Variants in CR2 observed in about 807,000 individuals in gnomAD.
CR2 encodes the protein complement receptor type 2.
CR2 carries 96 observed loss-of-function variants against 123.0 expected under a neutral mutation model. That is an observed-to-expected ratio of 0.78 (90% CI 0.66 to 0.93). CR2 has a LOEUF of 0.93. CR2 is among the 40% of genes least tolerant of loss of function. CR2 has a pLI of 0.00. For synonymous variants in CR2, 484 were observed against 469.5 expected (o/e 1.03, Z -0.40); for missense variants, 1,258 against 1,361.0 (o/e 0.92, Z 1.19).
At chr1:207,479,662 T>G (rs1331554107) in intron 17 of CR2, among the ~76,000 whole-genome samples, 1 of 152,234 alleles carries the variant, frequency 6.6e-6, no homozygotes, top group Non-Finnish European at 1.5e-5. Flanking sequence ...ATTTCTATTC[T>G]TGAGATTTCT....
In CR2 at chr1:207,454,388, C is replaced by T. The variant is rs972088653; in HGVS notation, c.-31C>T. On this transcript the variant is annotated 5_prime_UTR_variant, in exon 1 of 20. The change creates a new upstream start codon in the 5' untranslated region. Coordinates refer to ENST00000367057, the MANE Select transcript of CR2 (RefSeq NM_001006658.3). This position sits in a 1 kb window ranked among gnomAD's most constrained non-coding sequence, Gnocchi z 4.3. Reference sequence around the variant, plus strand: ...TGCCGGACGCTCGCGGGTCTCGGAACGCATCCCGCCGCGGGGGCTTCGGCC... The same window carrying T: ...TGCCGGACGCTCGCGGGTCTCGGAATGCATCCCGCCGCGGGGGCTTCGGCC... 1.3e-6 allele frequency: 2 copies of T among 1,557,466 alleles called. No individual in the cohort carries two copies. The highest frequency in any genetic ancestry group is 1.9e-5 in the Admixed American group (1 of 53,614).
intron 1 of CR2, among the ~76,000 whole-genome samples, chr1:207,463,740 G>A (rs1012906857): frequency 1.9e-4 from 29 of 152,210 alleles, no homozygotes; most frequent in Non-Finnish European, 1.2e-4. Flanking sequence ...TTTGTCTTTA[G>A]ATATCTACTC....
At chr1:207,468,397 T>C in intron 2 of CR2, 130 bp from the exon 3 acceptor site, 3 of 834,870 alleles carry the variant, frequency 3.6e-6, no homozygotes, top group South Asian at 2.9e-5. Flanking sequence ...GCGTATATTA[T>C]GTGTGGCCCA....
intron 1 of CR2, among the ~76,000 whole-genome samples, chr1:207,463,469 T>A (rs1314239659): frequency 2.6e-5 from 4 of 152,144 alleles, no homozygotes; most frequent in African/African-American, 9.7e-5. Context: ...GTTTTAAGTC[T>A]CCAGTGCTAC....
At chr1:207,477,700 T>C (rs1191474228) in intron 15 of CR2, among the ~76,000 whole-genome samples, 185 bp from the exon 16 acceptor site, 1 of 152,200 alleles carries the variant, frequency 6.6e-6, no homozygotes, top group East Asian at 1.9e-4. Flanking sequence ...CCAGAGGTTA[T>C]TGAGATAGAG....
In CR2 at chr1:207,472,853, C is replaced by T. The variant is rs778084554; in HGVS notation, c.1652C>T (p.Thr551Met). ...SSLEDFPYGTTVTYTCNPGPE... is the reference protein window; with the variant it reads ...SSLEDFPYGTMVTYTCNPGPE... ...TTAGAAGATTTTCCATATGGAACCA[C>T]GGTCACTTACACATGTAACCCTGGG... Residue 551 changes from threonine (T) to methionine (M), a missense_variant, in exon 10 of 20, where the codon ACG becomes ATG. Transcript: ENST00000367057. 34 of 1,613,868 alleles carry T rather than the reference C, an allele frequency of 2.1e-5. No individual in the cohort carries two copies. The highest frequency in any genetic ancestry group is 1.3e-4 in the Admixed American group (8 of 59,958).
At chr1:207,485,885 G>A (rs1014841199) in intron 19 of CR2, among the ~76,000 whole-genome samples, 4 of 152,040 alleles carry the variant, frequency 2.6e-5, no homozygotes, top group African/African-American at 4.8e-5. Context: ...CAGGGTGGTC[G>A]CAAGGGAAGC....
At chr1:207,459,321 GT>G (rs11398940) in intron 1 of CR2, among the ~76,000 whole-genome samples, 3,396 of 144,656 alleles carry the variant, frequency 0.023, 51 homozygotes, top group African/African-American at 0.051. Context: ...GTTTTTTGTT[GT>G]TTTTTTTTTT....
At position 207,469,786 on chromosome 1, in the gene CR2, C is replaced by A. The variant is rs148336036; in HGVS notation, c.909C>A (p.Tyr303Ter). 6 of 1,613,956 alleles carry A rather than the reference C, an allele frequency of 3.7e-6. No individual in the cohort carries two copies. Among genetic ancestry groups the A allele is most frequent in the Non-Finnish European group, 5.1e-6 (6 of 1,179,908 alleles). The change falls in exon 6 of 20, where the codon TAC becomes TAA. Residue 303 changes from tyrosine (Y) to a stop codon, truncating the protein, a stop_gained. Coordinates refer to ENST00000367057, the MANE Select transcript of CR2 (RefSeq NM_001006658.3). LOFTEE classifies it high-confidence loss of function. ...TCTCATATGGAAGCATAGTCACTTA[C>A]ACTTGTGACCCGGACCCAGAGGAAG... ...ANVSYGSIVTYTCDPDPEEGV... is the reference protein window; with the variant it reads ...ANVSYGSIVT
At chr1:207,456,317 A>G (rs1045851448) in intron 1 of CR2, among the ~76,000 whole-genome samples, 1 of 152,046 alleles carries the variant, frequency 6.6e-6, no homozygotes, top group Non-Finnish European at 1.5e-5. Flanking sequence ...TCCACACATC[A>G]TCTCTTGGCC....
At chr1:207,457,297 A>G (rs1286834730) in intron 1 of CR2, among the ~76,000 whole-genome samples, 8 of 152,196 alleles carry the variant, frequency 5.3e-5, no homozygotes, top group Non-Finnish European at 1.2e-4. Flanking sequence ...TGACAAATTC[A>G]GCTCCTTTTC....
intron 16 of CR2, 34 bp from the exon 17 acceptor site, chr1:207,479,223 G>C (rs376312360): frequency 2.6e-6 from 4 of 1,531,646 alleles, no homozygotes; most frequent in Middle Eastern, 3.4e-4. Flanking sequence ...ACACTATACT[G>C]ATAATCATTT....
chr1:207,475,229 G>A lies in CR2; in HGVS notation c.2716+13G>A. 1.2e-6 allele frequency: 2 copies of A among 1,613,776 alleles called. No homozygotes were observed. Among genetic ancestry groups the A allele is most frequent in the Non-Finnish European group, 1.7e-6 (2 of 1,179,818 alleles). On this transcript the variant is annotated intron_variant, in intron 14 of 19. Transcript: ENST00000367057. The stretch of plus-strand genomic sequence containing the variant: ...TGTATCAAAAAAGGTAAGATACTTG[G>A]AAGGGATAAGTTATGGGATGTTGTA...
intron 18 of CR2, 83 bp from the exon 19 acceptor site, chr1:207,485,381 G>A (rs1658720758): frequency 4.6e-6 from 4 of 860,792 alleles, no homozygotes; most frequent in Non-Finnish European, 7.9e-6. Flanking sequence ...CATGTGTTGG[G>A]AATTATGGAA....
chr1:207,480,038 C>T lies in CR2; in HGVS notation c.3173C>T (p.Ser1058Leu). 1 of 1,612,208 alleles carries T rather than the reference C, an allele frequency of 6.2e-7. No individual in the cohort carries two copies. The highest frequency in any genetic ancestry group is 8.5e-7 in the Non-Finnish European group (1 of 1,178,468). ...FLIVITLYVI[S>L]KHRARNYYTD... is the part of the protein sequence containing the mutation. The stretch of plus-strand genomic sequence containing the variant: ...ATTGTCATTACCTTATACGTGATAT[C>T]AAAACACAGAGCACGGTAAGTTCAA... Residue 1058 changes from serine to leucine, a missense_variant, in exon 18 of 20, where the codon TCA becomes TTA. Transcript: ENST00000367057.
intron 18 of CR2, among the ~76,000 whole-genome samples, chr1:207,481,735 A>C (rs1487206527): frequency 6.6e-6 from 1 of 152,088 alleles, no homozygotes; most frequent in African/African-American, 2.4e-5. Flanking sequence ...ATTACCTTAT[A>C]TAAGCTACAT....
At chr1:207,486,297 G>A (rs1285437090) in intron 19 of CR2, among the ~76,000 whole-genome samples, 1 of 139,008 alleles carries the variant, frequency 7.2e-6, no homozygotes, top group African/African-American at 2.7e-5. Flanking sequence ...ATTCCAGAAA[G>A]AACAGTAGGT....
intron 1 of CR2, 111 bp from the exon 2 acceptor site, chr1:207,466,415 T>C: frequency 8.0e-7 from 1 of 1,257,464 alleles, no homozygotes; most frequent in Non-Finnish European, 1.2e-6. Context: ...TACATATTTC[T>C]AAGTCTGTTT....
chr1:207,466,702 G>A lies in CR2; in HGVS notation c.235G>A (p.Ala79Thr). The stretch of plus-strand genomic sequence containing the variant: ...AGTGGATGGAACCTGGGATAAACCT[G>A]CTCCTAAATGTGAATATTTCAATAA... ...DKVDGTWDKP[A>T]PKCEYFNKYS... The change falls in exon 2 of 20, where the codon GCT becomes ACT. Residue 79 changes from alanine to threonine, a missense_variant. Transcript: ENST00000367057. 5 of 1,614,088 alleles carry A rather than the reference G, an allele frequency of 3.1e-6. No individual in the cohort carries two copies. Among genetic ancestry groups the A allele is most frequent in the Non-Finnish European group, 3.4e-6 (4 of 1,179,996 alleles).
Sources: allele counts gnomAD v4.1 joint callset (sites outside exome capture counted in the v4.1 genomes callset), GRCh38; gene constraint gnomAD v4.1.1; non-coding constraint Gnocchi (gnomAD v3.1); transcripts MANE v1.5; gene names NCBI Gene and HGNC (gene_info 2026-07-23, HGNC 2026-07-21).